Variants in TRPM3 observed in about 807,000 individuals in gnomAD.
TRPM3 encodes transient receptor potential cation channel subfamily M member 3, also known as long transient receptor potential channel 3.
A neutral mutation model predicts 181.2 loss-of-function variants in TRPM3; 77 were observed. The observed-to-expected ratio is 0.42, with a 90% CI of 0.35 to 0.51. TRPM3 has a LOEUF of 0.51. Ranked by LOEUF, TRPM3 falls within the 20% of genes least tolerant of loss-of-function variation. TRPM3 has a pLI of 0.01. For synonymous variants in TRPM3, 745 were observed against 796.4 expected (o/e 0.94, Z 1.09); for missense variants, 1,759 against 2,196.7 (o/e 0.80, Z 3.98).
chr9:71,207,335 TAA>T (rs1396103761), intron 1 of TRPM3, among the ~76,000 whole-genome samples: 1 of 152,172 alleles, frequency 6.6e-6, no homozygotes, highest in Non-Finnish European at 1.5e-5. Context: ...AATTTTTTCA[TAA>T]AAGTTATTTC....
chr9:70,848,705 C>T lies in TRPM3; in HGVS notation c.463-2114G>A, dbSNP rs1163208683. Among the ~76,000 whole-genome samples, 2 of 28,760 alleles carry T rather than the reference C, an allele frequency of 7.0e-5. 1 individual carries two copies. Among genetic ancestry groups the T allele is most frequent in the Admixed American group, 6.6e-4 (2 of 3,030 alleles). The allele number at this position is 28,760 out of a possible 152,430, so 18.9% of individuals were successfully genotyped here. A position where few individuals can be genotyped will look rare whatever the true frequency, so the allele number is the denominator to read the frequency against. On this transcript the variant is annotated intron_variant, in intron 3 of 25. Transcript: ENST00000677713. ...TCAAAAGAAATTACCTGGCCGGGCG[C>T]GGTGGCTCACGCCTGTAATCCCAGC...
At chr9:71,061,792 A>G (rs2061365332) in intron 1 of TRPM3, among the ~76,000 whole-genome samples, 1 of 151,926 alleles carries the variant, frequency 6.6e-6, no homozygotes, top group African/African-American at 2.4e-5. Flanking sequence ...CCCTTGCATC[A>G]TTTTGCTTTG....
chr9:71,422,143 G>A (rs1047731204), intron 1 of TRPM3, among the ~76,000 whole-genome samples: 1 of 151,982 alleles, frequency 6.6e-6, no homozygotes. Context: ...GGTCTCAGAT[G>A]AGAATTTAGA....
intron 1 of TRPM3, among the ~76,000 whole-genome samples, chr9:71,324,738 C>T (rs1164433139): frequency 3.3e-5 from 5 of 151,830 alleles, no homozygotes; most frequent in South Asian, 2.1e-4. Context: ...GGCAGATAAA[C>T]GCATAAAGAA....
intron 1 of TRPM3, among the ~76,000 whole-genome samples, chr9:71,306,426 A>C (rs1345607143): frequency 6.6e-6 from 1 of 152,144 alleles, no homozygotes; most frequent in African/African-American, 2.4e-5. Context: ...CTCTTGGTTT[A>C]ATATTTCTAT....
rs550608083 is a variant in TRPM3 at position 71,408,714 on chromosome 9, G to A, written c.183+37939C>T. On this transcript the variant is annotated intron_variant, in intron 1 of 24. Coordinates refer to the TRPM3 transcript ENST00000357533. ...CATCCAGGAGAACTTCCCCAACCTA[G>A]CAAGGCAGGCCAACATTCAAATTCA... Among the ~76,000 whole-genome samples the A allele has an allele frequency of 7.4e-4, 113 of 152,296 alleles. No homozygotes were observed. The Middle Eastern group carries it at 0.014, about 18-fold the overall frequency.
intron 1 of TRPM3, among the ~76,000 whole-genome samples, chr9:71,046,799 G>T (rs1271564406): frequency 1.3e-5 from 2 of 152,182 alleles, no homozygotes; most frequent in Non-Finnish European, 2.9e-5. Context: ...TATTGAATAG[G>T]TATTTGTATA....
Position 70,591,221 on chromosome 9 carries a change from A to C in TRPM3, c.3049-16T>G, listed in dbSNP as rs766212946. On this transcript the variant is annotated splice_polypyrimidine_tract_variant and intron_variant, in intron 21 of 25. Transcript: ENST00000677713. ...TGTCTATCATCTGGAAGGGTGGGGA[A>C]GCAGAGGGAGAAACAAGAGAAAACC... is the stretch of plus-strand genomic sequence containing the variant. 14 of 1,608,190 alleles carry C rather than the reference A, an allele frequency of 8.7e-6. No homozygotes were observed. In the East Asian group the frequency reaches 3.1e-4, roughly 36 times the overall value.
At chr9:70,575,138 G>T (rs972697023) in intron 22 of TRPM3, among the ~76,000 whole-genome samples, 3 of 147,662 alleles carry the variant, frequency 2.0e-5, no homozygotes, top group African/African-American at 7.5e-5. Context: ...TAGAGACAGG[G>T]TCTTCGTATA....
chr9:71,079,631 T>C (rs1260059206), intron 1 of TRPM3, among the ~76,000 whole-genome samples: 1 of 152,186 alleles, frequency 6.6e-6, no homozygotes, highest in Non-Finnish European at 1.5e-5. Context: ...TAATAATGCA[T>C]ATGAGTCTTC....
intron 6 of TRPM3, chr9:70,824,809 T>C (rs2093444789): frequency 6.6e-6 from 1 of 152,248 alleles, no homozygotes; most frequent in Admixed American, 6.5e-5. Context: ...TGACTGAGGA[T>C]TGCATTAAAG....
intron 21 of TRPM3, among the ~76,000 whole-genome samples, chr9:70,592,416 C>G (rs781320781): frequency 6.6e-6 from 1 of 152,134 alleles, no homozygotes; most frequent in African/African-American, 2.4e-5. Context: ...CTGAGTTCTC[C>G]GCCAGTGAAA....
intron 1 of TRPM3, among the ~76,000 whole-genome samples, chr9:71,159,622 G>T (rs1300436861): frequency 6.6e-6 from 1 of 152,030 alleles, no homozygotes; most frequent in Non-Finnish European, 1.5e-5. Flanking sequence ...ACTAGCCTTG[G>T]AGTAAAAGGG....
chr9:70,744,232 G>A (rs1387297681), intron 8 of TRPM3, among the ~76,000 whole-genome samples: 1 of 151,866 alleles, frequency 6.6e-6, no homozygotes, highest in Admixed American at 6.6e-5. Flanking sequence ...GGAGGCTGAG[G>A]CAGAAGAATC....
intron 1 of TRPM3, among the ~76,000 whole-genome samples, chr9:71,335,086 C>G (rs1482500608): frequency 2.6e-5 from 4 of 152,058 alleles, no homozygotes; most frequent in African/African-American, 9.7e-5. Context: ...GGAAGGAGAT[C>G]ACGGGTAACC....
At chr9:70,879,340 T>G (rs1341071652) in intron 1 of TRPM3, among the ~76,000 whole-genome samples, 2 of 152,100 alleles carry the variant, frequency 1.3e-5, no homozygotes, top group Non-Finnish European at 2.9e-5. Context: ...TTAATTAAAT[T>G]TGTGTCCTTT....
intron 1 of TRPM3, among the ~76,000 whole-genome samples, chr9:70,886,571 T>C (rs1214453351): frequency 2.6e-5 from 4 of 152,190 alleles, no homozygotes; most frequent in Admixed American, 6.5e-5. Flanking sequence ...GGTTTGAAGG[T>C]GAAGTAAGGA....
At chr9:70,966,474 A>T (rs2097186543) in intron 1 of TRPM3, among the ~76,000 whole-genome samples, 1 of 152,176 alleles carries the variant, frequency 6.6e-6, no homozygotes, top group South Asian at 2.1e-4. Flanking sequence ...CACAAAAGCA[A>T]AGATGTGGAA....
chr9:70,987,209 A>C (rs2097430600), intron 1 of TRPM3, among the ~76,000 whole-genome samples: 1 of 152,132 alleles, frequency 6.6e-6, no homozygotes. Context: ...TGACAACAAA[A>C]ACAGCCATAT....
Sources: gnomAD v4.1 joint callset for allele counts (sites outside exome capture counted in the v4.1 genomes callset) on GRCh38, gnomAD v4.1.1 for gene constraint, MANE v1.5 for transcripts, NCBI Gene and HGNC (gene_info 2026-07-23, HGNC 2026-07-21) for gene names.